MICU1: variants seen among roughly 807,000 people sequenced by gnomAD.
MICU1 encodes the protein calcium uptake protein 1, mitochondrial.
Under a neutral mutation model 56.8 loss-of-function variants are expected in MICU1, and 45 were observed. That is an observed-to-expected ratio of 0.79 (90% CI 0.62 to 1.02). The LOEUF (loss-of-function observed/expected upper bound fraction) is 1.02, where lower values mean the gene tolerates loss of function less well. Among genes scored for constraint, MICU1 ranks in the 50% least tolerant of loss-of-function variants. The probability of loss-of-function intolerance (pLI) is 0.00; values close to 1 mark genes in which losing one functional copy is unlikely to be tolerated. For synonymous variants in MICU1, 186 were observed against 195.1 expected, an observed-to-expected ratio of 0.95 and a Z score of 0.39; for missense variants, 504 against 587.1, an observed-to-expected ratio of 0.86 and a Z score of 1.46.
At chr10:72,371,400 A>G (rs1409741137) in intron 11 of MICU1, among the ~76,000 whole-genome samples, 1 of 151,626 alleles carries the variant, frequency 6.6e-6, no homozygotes, top group Non-Finnish European at 1.5e-5. Flanking sequence ...AAAAAAAAAA[A>G]AAAAAGCCTT....
intron 8 of MICU1, among the ~76,000 whole-genome samples, chr10:72,449,067 G>A (rs528585186): frequency 2.0e-5 from 3 of 152,206 alleles, no homozygotes; most frequent in Admixed American, 1.3e-4. Context: ...CAGGGAGCTG[G>A]GACTACAGGC....
intron 1 of MICU1, among the ~76,000 whole-genome samples, chr10:72,589,261 C>A (rs1841154343): frequency 6.6e-6 from 1 of 151,714 alleles, no homozygotes; most frequent in Non-Finnish European, 1.5e-5. Context: ...TGCACTCCAG[C>A]CTGGGCGACT....
intron 6 of MICU1, among the ~76,000 whole-genome samples, chr10:72,482,265 A>G (rs1302320934): frequency 6.6e-6 from 1 of 152,108 alleles, no homozygotes; most frequent in African/African-American, 2.4e-5. Flanking sequence ...GCCTTACATT[A>G]TTTTTTGGTA....
chr10:72,540,348 A>G (rs1839742505), intron 4 of MICU1, among the ~76,000 whole-genome samples: 1 of 151,780 alleles, frequency 6.6e-6, no homozygotes. Flanking sequence ...GAGAATATTC[A>G]CTGCAGTATG....
intron 11 of MICU1, among the ~76,000 whole-genome samples, chr10:72,372,842 G>A (rs940499474): frequency 6.6e-6 from 1 of 151,112 alleles, no homozygotes; most frequent in Non-Finnish European, 1.5e-5. Flanking sequence ...GACCCCAGGA[G>A]GCAGAGGGTG....
rs911802195 is a variant in MICU1 at position 72,425,623 on chromosome 10, C to T, written c.934-2252G>A. On this transcript the variant is annotated intron_variant, in intron 8 of 11. Transcript: ENST00000361114. ...ACAATCAACTTCTGCTTGTCCAAGT[C>T]GTATGGCCACTTCGACGCTTACTAC... Among the ~76,000 whole-genome samples the T allele has an allele frequency of 5.3e-5, 8 of 152,186 alleles. No homozygotes were observed. In the East Asian group the frequency reaches 7.7e-4, roughly 15 times the overall value.
intron 1 of MICU1, among the ~76,000 whole-genome samples, chr10:72,572,437 C>T (rs1403503734): frequency 6.6e-6 from 1 of 151,988 alleles, no homozygotes; most frequent in East Asian, 1.9e-4. Context: ...ATAACAGATC[C>T]TTGCATTTTT....
intron 1 of MICU1, among the ~76,000 whole-genome samples, chr10:72,582,187 C>T (rs1383643085): frequency 6.6e-6 from 1 of 152,162 alleles, no homozygotes; most frequent in Admixed American, 6.5e-5. Context: ...CCTCAGCCTC[C>T]CAAAGTGCTG....
At chr10:72,433,811 CTTTAT>C (rs1437207466) in intron 8 of MICU1, among the ~76,000 whole-genome samples, 2 of 152,164 alleles carry the variant, frequency 1.3e-5, no homozygotes, top group Non-Finnish European at 2.9e-5. Context: ...CCTACAGTTT[CTTTAT>C]TTTAAACAAG....
chr10:72,493,867 G>A (rs1418337451), intron 6 of MICU1, among the ~76,000 whole-genome samples: 1 of 152,106 alleles, frequency 6.6e-6, no homozygotes, highest in Non-Finnish European at 1.5e-5. Context: ...AAAGTGTCTG[G>A]TAAACACCAT....
At chr10:72,613,269 ATTTTTTTTTT>A (rs34740619) in intron 1 of MICU1, among the ~76,000 whole-genome samples, 3,028 of 129,342 alleles carry the variant, frequency 0.023, 113 homozygotes, top group African/African-American at 0.086. Flanking sequence ...TTTACCCCTA[ATTTTTTTTTT>A]TTTTTTTTTT....
intron 11 of MICU1, among the ~76,000 whole-genome samples, chr10:72,374,215 G>A (rs1000158649): frequency 2.0e-5 from 3 of 152,198 alleles, no homozygotes; most frequent in Non-Finnish European, 2.9e-5. Context: ...TGACTTCCCC[G>A]CTTCAAGCGA....
intron 5 of MICU1, chr10:72,533,282 A>G (rs1428915854): frequency 1.1e-5 from 6 of 525,464 alleles, no homozygotes; most frequent in Non-Finnish European, 1.4e-5. Context: ...AAAAATAAGT[A>G]TAGTGCAAAC....
chr10:72,577,520 A>C (rs1206150832), intron 1 of MICU1, among the ~76,000 whole-genome samples: 1 of 151,740 alleles, frequency 6.6e-6, no homozygotes, highest in African/African-American at 2.4e-5. Context: ...AAAAAAAAAA[A>C]AAAAAAGTAT....
At chr10:72,504,722 T>C (rs1212532864) in intron 6 of MICU1, among the ~76,000 whole-genome samples, 2 of 152,052 alleles carry the variant, frequency 1.3e-5, no homozygotes, top group Non-Finnish European at 2.9e-5. Flanking sequence ...ATTCACAAAC[T>C]ATGCATCTGA....
intron 1 of MICU1, among the ~76,000 whole-genome samples, chr10:72,609,457 A>T (rs1841778574): frequency 6.6e-6 from 1 of 152,134 alleles, no homozygotes; most frequent in South Asian, 2.1e-4. Flanking sequence ...CTTGAAGGCC[A>T]GGCACGGAGA....
chr10:72,449,021 C>A (rs1307980085), intron 8 of MICU1, among the ~76,000 whole-genome samples: 1 of 152,128 alleles, frequency 6.6e-6, no homozygotes, highest in African/African-American at 2.4e-5. Flanking sequence ...GTAGCCTCGA[C>A]CTCCTGGGCT....
chr10:72,395,097 T>A (rs1863203235), intron 10 of MICU1, among the ~76,000 whole-genome samples: 1 of 152,058 alleles, frequency 6.6e-6, no homozygotes, highest in Admixed American at 6.5e-5. Flanking sequence ...GAGAACGGCA[T>A]GAACCCAGGA....
At chr10:72,595,826 A>C (rs532304568) in intron 1 of MICU1, among the ~76,000 whole-genome samples, 67 of 152,222 alleles carry the variant, frequency 4.4e-4, no homozygotes, top group African/African-American at 1.6e-3. Flanking sequence ...CTTTTTAAAA[A>C]ATTTTGGATG....
Sources: gnomAD v4.1 joint callset for allele counts (sites outside exome capture counted in the v4.1 genomes callset) on GRCh38, gnomAD v4.1.1 for gene constraint, MANE v1.5 for transcripts, NCBI Gene and HGNC (gene_info 2026-07-23, HGNC 2026-07-21) for gene names.